The following SEMA6D variants were observed in gnomAD, a reference collection of about 807,000 sequenced individuals.
SEMA6D encodes the protein semaphorin 6D, also known as semaphorin-6D.
SEMA6D carries 35 observed loss-of-function variants against 106.6 expected under a neutral mutation model. The ratio of observed to expected loss-of-function variants is 0.33; its 90% CI spans 0.25 to 0.44. The LOEUF (loss-of-function observed/expected upper bound fraction) is 0.44. Ranked by LOEUF, SEMA6D falls within the 20% of genes least tolerant of loss-of-function variation. The pLI is 1.00. For synonymous variants in SEMA6D, 499 were observed against 487.7 expected, an observed-to-expected ratio of 1.02 and a Z score of -0.31; for missense variants, 1,185 against 1,345.9, an observed-to-expected ratio of 0.88 and a Z score of 1.87.
chr15:47,716,773 G>A (rs1439319), upstream of SEMA6D, among the ~76,000 whole-genome samples: 1 of 151,810 alleles, frequency 6.6e-6, no homozygotes. Flanking sequence ...GTAAAACCGG[G>A]TCATTAGCCT....
intron 3 of SEMA6D, among the ~76,000 whole-genome samples, chr15:47,515,219 A>G (rs2044352315): frequency 6.6e-6 from 1 of 152,152 alleles, no homozygotes. Context: ...ACCTTCTCAA[A>G]GAGGCCTATT....
chr15:47,193,816 A>G (rs545459491), intron 1 of SEMA6D, among the ~76,000 whole-genome samples: 14 of 152,146 alleles, frequency 9.2e-5, no homozygotes, highest in African/African-American at 2.4e-4. Flanking sequence ...TGTGACTTCT[A>G]TTAATCTGCA....
At chr15:47,386,916 T>C (rs2145740068) in intron 1 of SEMA6D, among the ~76,000 whole-genome samples, 1 of 152,282 alleles carries the variant, frequency 6.6e-6, no homozygotes, top group South Asian at 2.1e-4. Context: ...GCAATAGGGG[T>C]AAGGGATGGC....
chr15:47,343,606 C>A lies in SEMA6D; in HGVS notation c.-238-68787C>A, dbSNP rs1223221354. Among the ~76,000 whole-genome samples, 2 of 151,920 alleles carry A rather than the reference C, an allele frequency of 1.3e-5. 1 individual carries two copies. The highest frequency in any genetic ancestry group is 4.1e-4 in the South Asian group (2 of 4,828). On this transcript the variant is annotated intron_variant, in intron 1 of 19. Transcript: ENST00000558014. The stretch of plus-strand genomic sequence containing the variant: ...TGAACTCATCATTTTTTATGGCTGC[C>A]TAGTATTCCATGGTGTATATGTGCC...
At chr15:47,715,315 G>A (rs1204000769), upstream of SEMA6D, among the ~76,000 whole-genome samples, 1 of 152,184 alleles carries the variant, frequency 6.6e-6, no homozygotes, top group East Asian at 1.9e-4. Context: ...ATCAACTGAT[G>A]AGACCAAATG....
intron 3 of SEMA6D, among the ~76,000 whole-genome samples, chr15:47,491,666 AAG>A (rs2043480760): frequency 6.6e-6 from 1 of 152,136 alleles, no homozygotes; most frequent in African/African-American, 2.4e-5. Context: ...AATAAGGTAA[AAG>A]AGAGCTATGC....
At chr15:47,592,175 A>G (rs2076451165) in intron 3 of SEMA6D, among the ~76,000 whole-genome samples, 2 of 152,206 alleles carry the variant, frequency 1.3e-5, no homozygotes, top group Non-Finnish European at 1.5e-5. Context: ...TCACTGTTTC[A>G]TAAGTACATT....
intron 1 of SEMA6D, among the ~76,000 whole-genome samples, chr15:47,229,038 T>TAA (rs2032004376): frequency 6.6e-6 from 1 of 152,028 alleles, no homozygotes; most frequent in Non-Finnish European, 1.5e-5. Context: ...ACTTTACACC[T>TAA]AGGAAACTGA....
intron 3 of SEMA6D, among the ~76,000 whole-genome samples, chr15:47,521,260 G>A (rs1054445913): frequency 5.3e-5 from 8 of 152,160 alleles, no homozygotes; most frequent in Non-Finnish European, 8.8e-5. Context: ...GAGGGGCAGC[G>A]GTGGAAGCAG....
chr15:47,327,608 A>G (rs1374052106), intron 1 of SEMA6D, among the ~76,000 whole-genome samples: 1 of 152,238 alleles, frequency 6.6e-6, no homozygotes, highest in African/African-American at 2.4e-5. Flanking sequence ...ATAAGTAGAA[A>G]ATATAAAAAC....
chr15:47,579,496 T>A (rs2076218006), intron 3 of SEMA6D, among the ~76,000 whole-genome samples: 3 of 152,152 alleles, frequency 2.0e-5, no homozygotes, highest in African/African-American at 7.2e-5. Flanking sequence ...ATGTAGTTAA[T>A]TGAGGAAATG....
At chr15:47,346,545 A>G (rs1294537963) in intron 1 of SEMA6D, among the ~76,000 whole-genome samples, 1 of 152,212 alleles carries the variant, frequency 6.6e-6, no homozygotes, top group East Asian at 1.9e-4. Context: ...GCACAAGGTA[A>G]TGGGAGAAGA....
intron 3 of SEMA6D, among the ~76,000 whole-genome samples, chr15:47,529,293 G>A (rs1025127710): frequency 3.3e-5 from 5 of 152,148 alleles, no homozygotes; most frequent in Admixed American, 3.3e-4. Flanking sequence ...TGGCAAAGGT[G>A]TAAGAAAGTT....
At chr15:47,318,642 C>T (rs2036793735) in intron 1 of SEMA6D, among the ~76,000 whole-genome samples, 2 of 136,002 alleles carry the variant, frequency 1.5e-5, no homozygotes, top group African/African-American at 5.4e-5. Flanking sequence ...GTATATGTGC[C>T]ACATTTTCTT....
At chr15:47,300,462 T>A (rs2035977477) in intron 1 of SEMA6D, among the ~76,000 whole-genome samples, 1 of 152,080 alleles carries the variant, frequency 6.6e-6, no homozygotes, top group South Asian at 2.1e-4. Flanking sequence ...GGCACGATCA[T>A]AAATAGTAGA....
chr15:47,319,251 T>C (rs1908793), intron 1 of SEMA6D, among the ~76,000 whole-genome samples: 61,293 of 152,042 alleles, frequency 0.4, 12,705 homozygotes, highest in East Asian at 0.67. Context: ...ATATTAATCA[T>C]AGTTGTTTTA....
intron 1 of SEMA6D, chr15:47,396,664 C>G (rs777302418): frequency 6.6e-6 from 1 of 152,110 alleles, no homozygotes; most frequent in East Asian, 1.9e-4. Flanking sequence ...TTGATTAGCC[C>G]GTGCTCACCC....
At chr15:47,766,735 G>A (rs534371686) in intron 16 of SEMA6D, 58 bp downstream of exon 16, 11 of 1,138,866 alleles carry the variant, frequency 9.7e-6, no homozygotes, top group Admixed American at 7.4e-5. Context: ...TTTGCACGTC[G>A]ACATTATTTT....
chr15:47,281,695 T>G (rs1215047348), intron 1 of SEMA6D, among the ~76,000 whole-genome samples: 1 of 152,160 alleles, frequency 6.6e-6, no homozygotes, highest in East Asian at 1.9e-4. Flanking sequence ...TCTGTGCATC[T>G]AATAGAGCAC....
Sources: gnomAD v4.1 joint callset for allele counts (sites outside exome capture counted in the v4.1 genomes callset) on GRCh38, gnomAD v4.1.1 for gene constraint, MANE v1.5 for transcripts, NCBI Gene and HGNC (gene_info 2026-07-23, HGNC 2026-07-21) for gene names.